The following PDE4D variants were observed in gnomAD, a reference collection of about 807,000 sequenced individuals.
The protein encoded by PDE4D is phosphodiesterase 4D, also known as 3',5'-cyclic-AMP phosphodiesterase 4D.
A neutral mutation model predicts 87.4 loss-of-function variants in PDE4D; 24 were observed. That is an observed-to-expected ratio of 0.27 (90% CI 0.20 to 0.39). PDE4D has a LOEUF of 0.39. Ranked by LOEUF, PDE4D falls within the 10% of genes least tolerant of loss-of-function variation. The probability of loss-of-function intolerance (pLI) is 1.00; values close to 1 mark genes in which losing one functional copy is unlikely to be tolerated. For missense variants in PDE4D, 714 were observed against 1,041.0 expected, an observed-to-expected ratio of 0.69 and a Z score of 4.32; for synonymous variants, 384 against 383.2, an observed-to-expected ratio of 1.00 and a Z score of -0.02.
At chr5:60,498,166 GCACA>G (rs34436235) in intron 1 of PDE4D, among the ~76,000 whole-genome samples, 3,485 of 144,222 alleles carry the variant, frequency 0.024, 103 homozygotes, top group African/African-American at 0.077. Context: ...ACACACACAT[GCACA>G]CACACACACA....
At chr5:59,519,686 T>C (rs1289298102) in intron 1 of PDE4D, among the ~76,000 whole-genome samples, 1 of 152,222 alleles carries the variant, frequency 6.6e-6, no homozygotes, top group African/African-American at 2.4e-5. Flanking sequence ...TGCCATTGGA[T>C]GGCTTTGAGC....
At chr5:60,095,289 G>A (rs901807892) in intron 2 of PDE4D, among the ~76,000 whole-genome samples, 2 of 152,194 alleles carry the variant, frequency 1.3e-5, no homozygotes, top group Non-Finnish European at 2.9e-5. Context: ...CTATGAGTGA[G>A]AACATGTGGT....
chr5:59,967,977 T>TA (rs1760245444), intron 3 of PDE4D, among the ~76,000 whole-genome samples: 1 of 12,652 alleles, frequency 7.9e-5, no homozygotes, highest in Non-Finnish European at 2.1e-4. Context: ...GCCATATGCT[T>TA]TTTTTTTTTT....
chr5:59,815,922 T>G (rs1404677701), intron 1 of PDE4D, among the ~76,000 whole-genome samples: 1 of 152,234 alleles, frequency 6.6e-6, no homozygotes, highest in African/African-American at 2.4e-5. Flanking sequence ...TTGTAAAAAT[T>G]GTGAATATTG....
chr5:58,993,189 T>TG (rs1264783189), intron 7 of PDE4D, among the ~76,000 whole-genome samples, 183 bp downstream of exon 7: 1 of 152,160 alleles, frequency 6.6e-6, no homozygotes, highest in Non-Finnish European at 1.5e-5. Context: ...AAATGTACCT[T>TG]GTCACCTGCA....
intron 3 of PDE4D, among the ~76,000 whole-genome samples, chr5:59,930,594 C>T (rs1037953170): frequency 6.6e-6 from 1 of 152,110 alleles, no homozygotes; most frequent in African/African-American, 2.4e-5. Flanking sequence ...TTTAAACCAC[C>T]CAGCTTACAG....
At chr5:59,555,687 T>C (rs1818787116) in intron 1 of PDE4D, among the ~76,000 whole-genome samples, 1 of 152,126 alleles carries the variant, frequency 6.6e-6, no homozygotes, top group Non-Finnish European at 1.5e-5. Flanking sequence ...GTGAACTCTG[T>C]ATCTAGTTAA....
At chr5:59,632,329 A>G (rs1831680392) in intron 1 of PDE4D, among the ~76,000 whole-genome samples, 1 of 152,192 alleles carries the variant, frequency 6.6e-6, no homozygotes, top group Admixed American at 6.5e-5. Flanking sequence ...CAGCAGACTT[A>G]AATGTTCCTG....
intron 1 of PDE4D, among the ~76,000 whole-genome samples, chr5:59,307,596 A>T (rs1459207450): frequency 2.6e-5 from 4 of 152,014 alleles, no homozygotes; most frequent in African/African-American, 9.7e-5. Context: ...TGCAGCCAAA[A>T]AACACATGAA....
chr5:59,514,478 G>C (rs1475611446), intron 1 of PDE4D, among the ~76,000 whole-genome samples: 1 of 151,966 alleles, frequency 6.6e-6, no homozygotes, highest in Non-Finnish European at 1.5e-5. Flanking sequence ...CAAATTACTA[G>C]GGGCCCCACT....
chr5:60,477,755 T>A (rs77540604), intron 1 of PDE4D, among the ~76,000 whole-genome samples: 1 of 152,204 alleles, frequency 6.6e-6, no homozygotes, highest in Non-Finnish European at 1.5e-5. Flanking sequence ...ACAACTGGAC[T>A]TGCCCATGCT....
intron 1 of PDE4D, among the ~76,000 whole-genome samples, chr5:60,286,102 C>T (rs1194643247): frequency 6.6e-6 from 1 of 152,186 alleles, no homozygotes; most frequent in Non-Finnish European, 1.5e-5. Context: ...TCTTTACCGT[C>T]ACCATGAATT....
chr5:59,445,345 C>T (rs1490237947), intron 1 of PDE4D, among the ~76,000 whole-genome samples: 1 of 152,168 alleles, frequency 6.6e-6, no homozygotes, highest in East Asian at 1.9e-4. Context: ...CTGGCAAATA[C>T]TCCCCCAATG....
chr5:59,813,331 G>A (rs192160871), intron 1 of PDE4D, among the ~76,000 whole-genome samples: 5 of 152,228 alleles, frequency 3.3e-5, no homozygotes, highest in Admixed American at 2.0e-4. Flanking sequence ...TAAAACTGGA[G>A]AAGGCATATG....
intron 1 of PDE4D, among the ~76,000 whole-genome samples, chr5:59,415,822 A>G (rs925353434): frequency 6.6e-6 from 1 of 152,232 alleles, no homozygotes; most frequent in African/African-American, 2.4e-5. Flanking sequence ...TATCCTTGAA[A>G]TAAATTTTAC....
intron 1 of PDE4D, among the ~76,000 whole-genome samples, chr5:60,260,628 G>A (rs1353858663): frequency 6.6e-6 from 1 of 152,088 alleles, no homozygotes; most frequent in Non-Finnish European, 1.5e-5. Flanking sequence ...AGGCGGTCAT[G>A]TTCTCTAAAT....
At chr5:59,168,334 G>A (rs926500507) in intron 5 of PDE4D, among the ~76,000 whole-genome samples, 4 of 152,136 alleles carry the variant, frequency 2.6e-5, no homozygotes, top group Admixed American at 6.5e-5. Context: ...GAGTGCTAAC[G>A]CTGAAGCACT....
At chr5:59,668,821 A>AGAGGAAGAG in intron 1 of PDE4D, among the ~76,000 whole-genome samples, 1 of 93,990 alleles carries the variant, frequency 1.1e-5, no homozygotes, top group Middle Eastern at 4.2e-3. Context: ...AAGAAGAAGA[A>AGAGGAAGAG]GAAGAAGAAG....
chr5:59,394,881 G>A (rs1278889383), intron 1 of PDE4D, among the ~76,000 whole-genome samples: 1 of 152,104 alleles, frequency 6.6e-6, no homozygotes, highest in Non-Finnish European at 1.5e-5. Context: ...CGCGCACCGT[G>A]CACAAGCCGA....
Sources: allele counts gnomAD v4.1 joint callset (sites outside exome capture counted in the v4.1 genomes callset), GRCh38; gene constraint gnomAD v4.1.1; transcripts MANE v1.5; gene names NCBI Gene and HGNC (gene_info 2026-07-23, HGNC 2026-07-21).